Variants in CFAP100 observed in about 807,000 individuals in gnomAD.
The protein encoded by CFAP100 is cilia and flagella associated protein 100.
CFAP100 carries 70 observed loss-of-function variants against 81.5 expected under a neutral mutation model. That is an observed-to-expected ratio of 0.86 (90% CI 0.71 to 1.05). The LOEUF (loss-of-function observed/expected upper bound fraction) is 1.05. Among genes scored for constraint, CFAP100 ranks in the 50% least tolerant of loss-of-function variants. The pLI is 0.00. For synonymous variants in CFAP100, 341 were observed against 314.8 expected, an observed-to-expected ratio of 1.08 and a Z score of -0.88; for missense variants, 811 against 776.5, an observed-to-expected ratio of 1.04 and a Z score of -0.53.
At position 126,423,614 on chromosome 3, in the gene CFAP100, G is replaced by C; in HGVS notation, c.1256G>C (p.Ser419Thr). Residue 419 changes from serine (S) to threonine (T), a missense_variant, in exon 13 of 17, where the codon AGC becomes ACC. Transcript: ENST00000352312. ...ACGGAGAAGACCCTGGAGGAGCTGA[G>C]CCACACCCTGAAACACACCCAGATC... ...QETEKTLEEL[S>T]HTLKHTQIRM... 6.2e-7 allele frequency: 1 copy of C among 1,614,254 alleles called. No individual in the cohort carries two copies. Among genetic ancestry groups the C allele is most frequent in the Non-Finnish European group, 8.5e-7 (1 of 1,180,038 alleles).
At chr3:126,430,436 T>C (rs575788035) in intron 13 of CFAP100, among the ~76,000 whole-genome samples, 3 of 152,316 alleles carry the variant, frequency 2.0e-5, no homozygotes, top group Admixed American at 1.3e-4. Flanking sequence ...TTTGATCTTA[T>C]AAATTATATG....
chr3:126,418,252 A>G (rs2083272948), intron 5 of CFAP100: 2 of 587,876 alleles, frequency 3.4e-6, no homozygotes, highest in Non-Finnish European at 6.1e-6. Flanking sequence ...GACTCTGGCC[A>G]TGGAGAATGT....
At position 126,396,099 on chromosome 3, in the gene CFAP100, G is replaced by A. The variant is rs376524680; in HGVS notation, c.49+50G>A. On this transcript the variant is annotated intron_variant, in intron 2 of 16. Transcript: ENST00000352312. ...CTCTCAGAGGTCAGGGGCAGCTTCG[G>A]AGCCTGTCCAGCTCCCTCACAGGTT... The A allele has an allele frequency of 4.2e-5, 60 of 1,439,602 alleles. No individual in the cohort carries two copies. In the African/African-American group the frequency reaches 7.4e-4, roughly 18 times the overall value. 89.2% of individuals were successfully genotyped at this position (1,439,602 alleles called of 1,614,324 possible).
At chr3:126,397,942 G>C (rs910470138) in intron 2 of CFAP100, among the ~76,000 whole-genome samples, 1 of 152,238 alleles carries the variant, frequency 6.6e-6, no homozygotes, top group Non-Finnish European at 1.5e-5. Flanking sequence ...CGGCTGGCCA[G>C]GCCCAAAGGC....
chr3:126,418,042 G>GTATCATTAAAAA, intron 5 of CFAP100: 2 of 176,424 alleles, frequency 1.1e-5, no homozygotes, highest in East Asian at 1.7e-4. Flanking sequence ...TTTGCTCGGG[G>GTATCATTAAAAA]GGCTTAGGTG....
At chr3:126,420,544 C>G (rs1417306632) in intron 11 of CFAP100, 1 of 396,678 alleles carries the variant, frequency 2.5e-6, no homozygotes, top group Non-Finnish European at 4.6e-6. Flanking sequence ...GGTCCTGGCC[C>G]TGGGGGGATA....
intron 9 of CFAP100, 31 bp downstream of exon 9, chr3:126,419,849 T>C: frequency 6.2e-7 from 1 of 1,611,802 alleles, no homozygotes; most frequent in South Asian, 1.1e-5. Context: ...GGTTCCCAGG[T>C]GGGCTCTGCC....
At chr3:126,422,268 C>T (rs1279223628) in intron 11 of CFAP100, among the ~76,000 whole-genome samples, 1 of 152,338 alleles carries the variant, frequency 6.6e-6, no homozygotes, top group East Asian at 1.9e-4. Flanking sequence ...TGCAGGCAGC[C>T]GGCTCTCTCA....
At chr3:126,395,460 A>C (rs1041598752) in intron 1 of CFAP100, 1 of 152,076 alleles carries the variant, frequency 6.6e-6, no homozygotes, top group African/African-American at 2.4e-5. Context: ...AGCAGAAAAG[A>C]CCCCCCTGTT....
Position 126,433,189 on chromosome 3 carries a change from C to T in CFAP100, c.1407C>T (p.Tyr469=). Residue 469 remains tyrosine, a synonymous_variant, in exon 14 of 17, where the codon TAC becomes TAT. Coordinates refer to ENST00000352312, the MANE Select transcript of CFAP100 (RefSeq NM_182628.3). Reference sequence around the variant, plus strand: ...CCCGAGTCTTCCACTTCGGCGAGTACAAGGGCGATCAGCAGGTAGGCTGGG... The same window carrying T: ...CCCGAGTCTTCCACTTCGGCGAGTATAAGGGCGATCAGCAGGTAGGCTGGG... ...LKARVFHFGE[Y]KGDQQDKLLE... 6.2e-7 allele frequency: 1 copy of T among 1,614,172 alleles called. No homozygotes were observed. The highest frequency in any genetic ancestry group is 8.5e-7 in the Non-Finnish European group (1 of 1,180,002).
At chr3:126,420,844 C>CTTATTGGCCGTTCAG (rs58038486) in intron 11 of CFAP100, 43,427 of 152,208 alleles carry the variant, frequency 0.29, 7,228 homozygotes, top group African/African-American at 0.46. Flanking sequence ...ACATTTCATA[C>CTTATTGGCCGTTCAG]ATATCATTTT....
chr3:126,399,879 G>A (rs115515262), intron 2 of CFAP100, among the ~76,000 whole-genome samples: 266 of 152,242 alleles, frequency 1.7e-3, no homozygotes, highest in African/African-American at 6.1e-3. Flanking sequence ...CTGTGTTCCC[G>A]GTACAGCTTG....
chr3:126,422,987 G>A (rs972749260), intron 11 of CFAP100, among the ~76,000 whole-genome samples: 2 of 152,194 alleles, frequency 1.3e-5, no homozygotes, highest in African/African-American at 4.8e-5. Flanking sequence ...CCCAAGAGGA[G>A]AGCAGGTTTT....
In CFAP100 at chr3:126,423,729, C is replaced by T. The variant is rs531526200; in HGVS notation, c.1286+85C>T. 5 of 1,516,442 alleles carry T rather than the reference C, an allele frequency of 3.3e-6. No individual in the cohort carries two copies. The South Asian group carries it at 5.8e-5, about 18-fold the overall frequency. 93.9% of individuals were successfully genotyped at this position (1,516,442 alleles called of 1,614,324 possible). On this transcript the variant is annotated intron_variant, in intron 13 of 16. Coordinates refer to ENST00000352312, the MANE Select transcript of CFAP100 (RefSeq NM_182628.3). ...AGCACTGGGAGCCAAGTTGGGGAAA[C>T]AGCCCACACCCGTCCGTGGCCCTGG...
intron 13 of CFAP100, among the ~76,000 whole-genome samples, chr3:126,431,501 C>G (rs1254487705): frequency 6.6e-6 from 1 of 152,160 alleles, no homozygotes; most frequent in Admixed American, 6.5e-5. Flanking sequence ...TTCTCTCACT[C>G]TCTATGGCTT....
At chr3:126,420,322 A>G in intron 11 of CFAP100, 93 bp downstream of exon 11, 1 of 1,513,744 alleles carries the variant, frequency 6.6e-7, no homozygotes, top group Non-Finnish European at 8.9e-7. Context: ...GTGCCACAGA[A>G]AAGAAAGTGT....
Position 126,420,091 on chromosome 3 carries a change from T to C in CFAP100, c.956-12T>C, listed in dbSNP as rs370457546. The C allele has an allele frequency of 2.5e-5, 41 of 1,613,318 alleles. No individual in the cohort carries two copies. The African/African-American group carries it at 4.9e-4, about 19-fold the overall frequency. ...GCACAGGGCTCGGAAACTATTCCTC[T>C]GCTTTCTCCAGAGGGTCAGGGTACA... is the stretch of plus-strand genomic sequence containing the variant. On this transcript the variant is annotated splice_polypyrimidine_tract_variant and intron_variant, in intron 10 of 16. Transcript: ENST00000352312.
chr3:126,435,675 G>A lies in CFAP100; in HGVS notation c.1722+23G>A, dbSNP rs149124584. The A allele has an allele frequency of 3.6e-3, 5,729 of 1,596,816 alleles. 9 individuals are homozygous for A. Among genetic ancestry groups the A allele is most frequent in the Non-Finnish European group, 4.2e-3 (4,868 of 1,167,126 alleles). On this transcript the variant is annotated intron_variant, in intron 16 of 16. Transcript: ENST00000352312. ...AAGGTAGGCAGGGTCGCCTTGGGGG[G>A]TCTCTGCTGGAGGGGGTCCCAAGAC...
chr3:126,406,033 T>C (rs968017940), intron 2 of CFAP100, among the ~76,000 whole-genome samples: 7 of 152,180 alleles, frequency 4.6e-5, no homozygotes, highest in Non-Finnish European at 1.0e-4. Context: ...TATGATATGG[T>C]TAATTAAATT....
Sources: gnomAD v4.1 joint callset for allele counts (sites outside exome capture counted in the v4.1 genomes callset) on GRCh38, gnomAD v4.1.1 for gene constraint, MANE v1.5 for transcripts, NCBI Gene and HGNC (gene_info 2026-07-23, HGNC 2026-07-21) for gene names.